The following TENM2 variants were observed in gnomAD, a reference collection of about 807,000 sequenced individuals.
TENM2 encodes the protein teneurin transmembrane protein 2.
Under a neutral mutation model 245.2 loss-of-function variants are expected in TENM2, and 52 were observed. The observed-to-expected ratio is 0.21, with a 90% CI of 0.17 to 0.27. The LOEUF (loss-of-function observed/expected upper bound fraction) is 0.27. TENM2 is among the 10% of genes least tolerant of loss of function. The probability of loss-of-function intolerance (pLI) is 1.00; values close to 1 mark genes in which losing one functional copy is unlikely to be tolerated. For missense variants in TENM2, 3,046 were observed against 3,666.8 expected (o/e 0.83, Z 4.37); for synonymous variants, 1,363 against 1,438.9 (o/e 0.95, Z 1.19).
At chr5:167,449,963 A>G (rs1240692927) in intron 2 of TENM2, among the ~76,000 whole-genome samples, 1 of 152,200 alleles carries the variant, frequency 6.6e-6, no homozygotes, top group African/African-American at 2.4e-5. Flanking sequence ...TGACTCAAAG[A>G]AAAAAGAAAA....
At chr5:167,551,785 T>C (rs1361855832) in intron 2 of TENM2, among the ~76,000 whole-genome samples, 1 of 152,240 alleles carries the variant, frequency 6.6e-6, no homozygotes, top group Non-Finnish European at 1.5e-5. Context: ...AGTGTTCATA[T>C]GTTAATTCAT....
rs187809375 is a variant in TENM2 at position 168,044,191 on chromosome 5, G to A, written c.1187-3236G>A. Among the ~76,000 whole-genome samples the A allele has an allele frequency of 2.3e-3, 348 of 152,288 alleles. 1 individual carries two copies. The highest frequency in any genetic ancestry group is 7.2e-3 in the African/African-American group (300 of 41,550). ...AGCACTTTGGGAGGCCGAGGTGGGT[G>A]GATCACGAGGTCAGGAGATCAAAAC... is the stretch of plus-strand genomic sequence containing the variant. On this transcript the variant is annotated intron_variant, in intron 5 of 28. Transcript: ENST00000518659.
intron 5 of TENM2, among the ~76,000 whole-genome samples, chr5:168,036,985 A>G (rs77600387): frequency 1.4e-3 from 212 of 151,982 alleles, no homozygotes; most frequent in African/African-American, 3.3e-3. Context: ...GAGGAGGACT[A>G]CCCCTTGCCT....
chr5:167,234,360 A>G, the TENM2 span, among the ~76,000 whole-genome samples: 1 of 152,192 alleles, frequency 6.6e-6, no homozygotes, highest in East Asian at 1.9e-4. Flanking sequence ...TTATGGTAAC[A>G]GTGAAGAATG....
chr5:167,685,366 G>A (rs1757004331), intron 2 of TENM2, among the ~76,000 whole-genome samples: 2 of 152,104 alleles, frequency 1.3e-5, no homozygotes, highest in Non-Finnish European at 2.9e-5. Flanking sequence ...GTCTTCATAA[G>A]CCATCTTGAA....
At chr5:167,311,321 C>T (rs989176019) in intron 1 of TENM2, among the ~76,000 whole-genome samples, 5 of 152,116 alleles carry the variant, frequency 3.3e-5, no homozygotes, top group Non-Finnish European at 7.4e-5. Flanking sequence ...TTAAAATAGC[C>T]TATCATTTTA....
At chr5:167,360,680 A>G (rs564757148) in intron 1 of TENM2, among the ~76,000 whole-genome samples, 6 of 152,112 alleles carry the variant, frequency 3.9e-5, no homozygotes, top group Non-Finnish European at 7.4e-5. Context: ...AATTTTCTAA[A>G]ATATTTTATT....
exon 27 of TENM2, chr5:168,246,791 A>G (rs767212554): frequency 6.2e-7 from 1 of 1,613,876 alleles, no homozygotes; most frequent in South Asian, 1.1e-5. Flanking sequence ...CAACGTCAGT[A>G]TATATTTGAG....
chr5:167,126,994 G>A, the TENM2 span, among the ~76,000 whole-genome samples: 7 of 151,154 alleles, frequency 4.6e-5, no homozygotes, highest in Non-Finnish European at 1.0e-4. Context: ...GCATAGAAGT[G>A]AATTCACAGG....
At chr5:167,669,092 TA>T (rs1755762209) in intron 2 of TENM2, among the ~76,000 whole-genome samples, 1 of 152,184 alleles carries the variant, frequency 6.6e-6, no homozygotes, top group African/African-American at 2.4e-5. Flanking sequence ...AAACGAACTT[TA>T]AAAATAAAAG....
At position 168,218,716 on chromosome 5, in the gene TENM2, G is replaced by A; in HGVS notation, c.4825G>A (p.Val1609Met). The A allele has an allele frequency of 1.2e-6, 2 of 1,614,040 alleles. No individual in the cohort carries two copies. The highest frequency in any genetic ancestry group is 1.7e-6 in the Non-Finnish European group (2 of 1,179,900). Reference sequence around the variant, plus strand: ...CATCCACCAATACACTGTGAGCCTGGTGACAGGGGAGTACTTGTACAATTT... The same window carrying A: ...CATCCACCAATACACTGTGAGCCTGATGACAGGGGAGTACTTGTACAATTT... Residue 1609 changes from valine (V) to methionine (M), a missense_variant, in exon 23 of 29, where the codon GTG becomes ATG. Transcript: ENST00000518659. This position sits in a 1 kb window ranked among gnomAD's most constrained non-coding sequence, Gnocchi z 5.2.
intron 12 of TENM2, among the ~76,000 whole-genome samples, chr5:168,156,247 TAAAAAA>T (rs58825054): frequency 1.5e-4 from 12 of 80,796 alleles, no homozygotes; most frequent in African/African-American, 6.1e-4. Context: ...TCCCCATAGT[TAAAAAA>T]AAAAAAAAAA....
chr5:167,605,932 T>C (rs1393822947), intron 2 of TENM2, among the ~76,000 whole-genome samples: 2 of 152,088 alleles, frequency 1.3e-5, no homozygotes, highest in Non-Finnish European at 2.9e-5. Flanking sequence ...CGAGAGAAAT[T>C]TGTAGTGTTA....
intron 1 of TENM2, among the ~76,000 whole-genome samples, chr5:167,346,918 G>T (rs1289967589): frequency 1.3e-5 from 2 of 152,176 alleles, no homozygotes; most frequent in South Asian, 4.2e-4. Flanking sequence ...GGAACTACAG[G>T]TGTACGCCTC....
At chr5:167,429,830 C>T (rs1240118506) in intron 2 of TENM2, among the ~76,000 whole-genome samples, 9 of 152,108 alleles carry the variant, frequency 5.9e-5, no homozygotes, top group African/African-American at 2.2e-4. Flanking sequence ...TGGTCTCAAA[C>T]TCCTGACCTC....
rs1760673889 is a variant in TENM2 at position 167,375,194 on chromosome 5, C to G, written c.227-4C>G. ...AATCAGCTTCTCTGTCACTGTCACC[C>G]TAGGAACCAACTTCACCCTTGCCGA... On this transcript the variant is annotated splice_region_variant and splice_polypyrimidine_tract_variant and intron_variant, in intron 1 of 28. Transcript: ENST00000518659. The G allele has an allele frequency of 6.4e-7, 1 of 1,551,182 alleles. No individual in the cohort carries two copies. Among genetic ancestry groups the G allele is most frequent in the African/African-American group, 1.4e-5 (1 of 73,152 alleles).
At chr5:167,419,321 G>T (rs891139883) in intron 2 of TENM2, among the ~76,000 whole-genome samples, 1 of 152,140 alleles carries the variant, frequency 6.6e-6, no homozygotes, top group African/African-American at 2.4e-5. Context: ...AATTAGATGG[G>T]CATGGTGGCT....
chr5:167,852,087 A>C (rs1237605051), intron 2 of TENM2, among the ~76,000 whole-genome samples: 1 of 152,206 alleles, frequency 6.6e-6, no homozygotes, highest in Non-Finnish European at 1.5e-5. Flanking sequence ...TTATTTCAGA[A>C]AGGCTTCCAA....
At chr5:167,364,428 A>G (rs908738425) in intron 1 of TENM2, among the ~76,000 whole-genome samples, 5 of 152,166 alleles carry the variant, frequency 3.3e-5, no homozygotes, top group South Asian at 2.1e-4. Flanking sequence ...ACAGGAAAAC[A>G]TAAATAATAA....
Sources: allele counts gnomAD v4.1 joint callset (sites outside exome capture counted in the v4.1 genomes callset), GRCh38; gene constraint gnomAD v4.1.1; non-coding constraint Gnocchi (gnomAD v3.1); transcripts MANE v1.5; gene names NCBI Gene and HGNC (gene_info 2026-07-23, HGNC 2026-07-21).